Variants in B3GNT2 observed in about 807,000 individuals in gnomAD.
B3GNT2 encodes N-acetyllactosaminide beta-1,3-N-acetylglucosaminyltransferase 2.
A neutral mutation model predicts 27.6 loss-of-function variants in B3GNT2; 12 were observed. The ratio of observed to expected loss-of-function variants is 0.44; its 90% CI spans 0.28 to 0.71. The LOEUF (loss-of-function observed/expected upper bound fraction) is 0.71, where lower values mean the gene tolerates loss of function less well. Among genes scored for constraint, B3GNT2 ranks in the 30% least tolerant of loss-of-function variants. The probability of loss-of-function intolerance (pLI) is 0.17; values close to 1 mark genes in which losing one functional copy is unlikely to be tolerated. For synonymous variants in B3GNT2, 192 were observed against 189.7 expected (o/e 1.01, Z -0.10); for missense variants, 413 against 488.5 (o/e 0.85, Z 1.46).
At chr2:62,211,978 TA>T (rs1674489761) in intron 1 of B3GNT2, among the ~76,000 whole-genome samples, 2 of 152,166 alleles carry the variant, frequency 1.3e-5, no homozygotes, top group Non-Finnish European at 2.9e-5. Context: ...ACCCCAGACT[TA>T]AATAAAAATG....
intron 1 of B3GNT2, among the ~76,000 whole-genome samples, chr2:62,197,271 TCA>T (rs2104177984): frequency 6.6e-6 from 1 of 152,214 alleles, no homozygotes; most frequent in South Asian, 2.1e-4. Context: ...ATAAACCGAG[TCA>T]CCCGGTTAAT....
At chr2:62,196,689 C>T (rs551928670) in intron 1 of B3GNT2, among the ~76,000 whole-genome samples, 1 of 152,348 alleles carries the variant, frequency 6.6e-6, no homozygotes, top group East Asian at 1.9e-4. Context: ...GCCCTGGAGC[C>T]CGGGGACCTT....
Position 62,224,512 on chromosome 2 carries a change from A to G in B3GNT2, c.*1098A>G, listed in dbSNP as rs1312809977. 1 of 167,108 alleles carries G rather than the reference A, an allele frequency of 6.0e-6. No homozygotes were observed. Among genetic ancestry groups the G allele is most frequent in the East Asian group, 1.9e-4 (1 of 5,208 alleles). The allele number at this position is 167,108 out of a possible 1,614,324, so 10.4% of individuals were successfully genotyped here. A position where few individuals can be genotyped will look rare whatever the true frequency, so the allele number is the denominator to read the frequency against. On this transcript the variant is annotated 3_prime_UTR_variant, in exon 2 of 2. Transcript: ENST00000301998. ...CTAGAGCATGATATTTTAAATGTTA[A>G]GGTGTAACATATGTTAAATAAAACT...
At chr2:62,201,974 G>A (rs1172141829) in intron 1 of B3GNT2, among the ~76,000 whole-genome samples, 1 of 152,218 alleles carries the variant, frequency 6.6e-6, no homozygotes, top group Non-Finnish European at 1.5e-5. Context: ...GTGCTGAGCA[G>A]ACAGTCCCCA....
chr2:62,222,781 A>G lies in B3GNT2; in HGVS notation c.561A>G (p.Pro187=), dbSNP rs148241288. 9,640 of 1,614,224 alleles carry G rather than the reference A, an allele frequency of 6.0e-3. 48 individuals are homozygous for G. The highest frequency in any genetic ancestry group is 7.1e-3 in the Non-Finnish European group (8,375 of 1,180,030). ...VRVFLLGQTP[P]EDNHPDLSDM... The stretch of plus-strand genomic sequence containing the variant: ...TCTTCCTGCTGGGCCAGACACCCCC[A>G]GAGGACAACCACCCCGACCTTTCAG... Residue 187 remains proline, a synonymous_variant, in exon 2 of 2, where the codon CCA becomes CCG. Coordinates refer to ENST00000301998, the MANE Select transcript of B3GNT2 (RefSeq NM_006577.6). This position sits in a 1 kb window ranked among gnomAD's most constrained non-coding sequence, Gnocchi z 4.2.
chr2:62,212,236 T>C (rs1453956941), intron 1 of B3GNT2, among the ~76,000 whole-genome samples: 2 of 152,180 alleles, frequency 1.3e-5, no homozygotes, highest in East Asian at 3.8e-4. Context: ...TGCACTCCTA[T>C]ATTCCTGCAG....
Position 62,223,543 on chromosome 2 carries a change from C to A in B3GNT2, c.*129C>A. 3.9e-6 allele frequency: 3 copies of A among 763,030 alleles called. No homozygotes were observed. Among genetic ancestry groups the A allele is most frequent in the East Asian group, 2.7e-5 (1 of 36,862 alleles). 47.3% of individuals were successfully genotyped at this position (763,030 alleles called of 1,614,324 possible). A position where few individuals can be genotyped will look rare whatever the true frequency, so the allele number is the denominator to read the frequency against. ...TTTATGAGTGATACCCATTTGAGGG[C>A]CTCTAAACCCTTCAATTTGGTACTC... On this transcript the variant is annotated 3_prime_UTR_variant, in exon 2 of 2. Coordinates refer to ENST00000301998, the MANE Select transcript of B3GNT2 (RefSeq NM_006577.6).
intron 1 of B3GNT2, among the ~76,000 whole-genome samples, chr2:62,206,071 G>C (rs1195970646): frequency 6.6e-6 from 1 of 152,180 alleles, no homozygotes; most frequent in Non-Finnish European, 1.5e-5. Flanking sequence ...GATGTTTTAA[G>C]CCAGGAGAAA....
At chr2:62,205,080 TTGGAAGCC>T (rs2104189973) in intron 1 of B3GNT2, among the ~76,000 whole-genome samples, 1 of 152,252 alleles carries the variant, frequency 6.6e-6, no homozygotes, top group African/African-American at 2.4e-5. Flanking sequence ...ACCGGCGAGA[TTGGAAGCC>T]CGTGGCACTG....
At chr2:62,211,917 C>A (rs549255374) in intron 1 of B3GNT2, among the ~76,000 whole-genome samples, 9 of 152,346 alleles carry the variant, frequency 5.9e-5, no homozygotes, top group African/African-American at 2.2e-4. Context: ...TATTTATTAT[C>A]TCTGCCAATT....
chr2:62,200,282 A>G (rs1260447289), intron 1 of B3GNT2, among the ~76,000 whole-genome samples: 1 of 150,198 alleles, frequency 6.7e-6, no homozygotes, highest in African/African-American at 2.4e-5. Context: ...TGCATCTATA[A>G]CTTAAAAAAA....
rs980888736 is a variant in B3GNT2 at position 62,222,364 on chromosome 2, C to G, written c.144C>G (p.Phe48Leu). Reference protein sequence around the residue: ...KGEVIIPKEKFWKISTPPEAY... With the variant: ...KGEVIIPKEKLWKISTPPEAY... The stretch of plus-strand genomic sequence containing the variant: ...AAGTAATAATACCCAAAGAGAAGTT[C>G]TGGAAGATATCTACCCCTCCCGAGG... The change falls in exon 2 of 2, where the codon TTC becomes TTG. Residue 48 changes from phenylalanine (F) to leucine (L), a missense_variant. Physicochemically the swap from Phe to Leu is conservative, Grantham distance 22 (BLOSUM62 0). Transcript: ENST00000301998. This position sits in a 1 kb window ranked among gnomAD's most constrained non-coding sequence, Gnocchi z 4.2. The G allele has an allele frequency of 6.2e-7, 1 of 1,614,122 alleles. No individual in the cohort carries two copies.
intron 1 of B3GNT2, among the ~76,000 whole-genome samples, chr2:62,205,182 A>T (rs1044938887): frequency 1.3e-5 from 2 of 152,236 alleles, no homozygotes; most frequent in Admixed American, 1.3e-4. Flanking sequence ...TTTAAAACTG[A>T]GGTGACTCAA....
chr2:62,222,349 A>G lies in B3GNT2; in HGVS notation c.129A>G (p.Ile43Met). Residue 43 changes from isoleucine (I) to methionine (M), a missense_variant, in exon 2 of 2, where the codon ATA becomes ATG. Coordinates refer to ENST00000301998, the MANE Select transcript of B3GNT2 (RefSeq NM_006577.6). The surrounding 1 kb of genome is among the most constrained non-coding windows in gnomAD (Gnocchi z 4.2). The part of the protein sequence containing the change: ...QEKNGKGEVI[I>M]PKEKFWKIST... ...AAAATGGAAAAGGGGAAGTAATAAT[A>G]CCCAAAGAGAAGTTCTGGAAGATAT... 1 of 1,614,072 alleles carries G rather than the reference A, an allele frequency of 6.2e-7. No homozygotes were observed. Among genetic ancestry groups the G allele is most frequent in the Non-Finnish European group, 8.5e-7 (1 of 1,180,024 alleles).
At chr2:62,206,068 T>C (rs898856961) in intron 1 of B3GNT2, among the ~76,000 whole-genome samples, 1 of 152,086 alleles carries the variant, frequency 6.6e-6, no homozygotes, top group African/African-American at 2.4e-5. Flanking sequence ...AGGGATGTTT[T>C]AAGCCAGGAG....
intron 1 of B3GNT2, among the ~76,000 whole-genome samples, chr2:62,220,030 T>C (rs1215291536): frequency 6.6e-6 from 1 of 152,262 alleles, no homozygotes; most frequent in African/African-American, 2.4e-5. Flanking sequence ...TCTTGTGGCC[T>C]CTGGCCACAT....
chr2:62,210,466 A>G (rs1674460459), intron 1 of B3GNT2, among the ~76,000 whole-genome samples: 1 of 151,518 alleles, frequency 6.6e-6, no homozygotes, highest in African/African-American at 2.4e-5. Context: ...TTTTTTGGTA[A>G]AGATTAAAAA....
chr2:62,209,960 G>A (rs183799068), intron 1 of B3GNT2, among the ~76,000 whole-genome samples: 1 of 152,286 alleles, frequency 6.6e-6, no homozygotes, highest in African/African-American at 2.4e-5. Flanking sequence ...TTCTGCCTAT[G>A]GTGCGGAAGT....
intron 1 of B3GNT2, among the ~76,000 whole-genome samples, chr2:62,208,080 A>T (rs1405616853): frequency 6.6e-6 from 1 of 152,104 alleles, no homozygotes; most frequent in African/African-American, 2.4e-5. Flanking sequence ...CATTAGTTGA[A>T]TTCTTGTACA....
Sources: gnomAD v4.1 joint callset for allele counts (sites outside exome capture counted in the v4.1 genomes callset) on GRCh38, gnomAD v4.1.1 for gene constraint, Gnocchi (gnomAD v3.1) non-coding constraint, MANE v1.5 for transcripts, NCBI Gene and HGNC (gene_info 2026-07-23, HGNC 2026-07-21) for gene names.